PHF8: variants seen among roughly 807,000 people sequenced by gnomAD.
The protein encoded by PHF8 is PHD finger protein 8.
In PHF8, 9 loss-of-function variants were observed where a neutral mutation model predicts 74.4. The observed-to-expected ratio is 0.12, with a 90% CI of 0.07 to 0.21. The LOEUF (loss-of-function observed/expected upper bound fraction) is 0.21, where lower values mean the gene tolerates loss of function less well. PHF8 is among the 10% of genes least tolerant of loss of function. The pLI is 1.00. For synonymous variants in PHF8, 311 were observed against 316.6 expected, an observed-to-expected ratio of 0.98 and a Z score of 0.19; for missense variants, 478 against 816.6, an observed-to-expected ratio of 0.59 and a Z score of 5.05.
chrX:54,022,534 G>C (rs2066196616), intron 3 of PHF8, among the ~76,000 whole-genome samples, 167 bp from the exon 4 acceptor site: 1 of 111,575 alleles, frequency 9.0e-6, no homozygotes, highest in Non-Finnish European at 1.9e-5. Flanking sequence ...AAGATGGATG[G>C]GTACTTTCTC....
intron 2 of PHF8, 66 bp downstream of exon 2, chrX:54,042,565 A>C (rs2066577869): frequency 1.4e-5 from 13 of 955,602 alleles, no homozygotes; most frequent in Non-Finnish European, 1.9e-5. Context: ...GAGCTGAGAA[A>C]GGAAGAGAGA....
chrX:53,950,668 C>T (rs1261228300), intron 19 of PHF8, among the ~76,000 whole-genome samples: 6 of 112,379 alleles, frequency 5.3e-5, no homozygotes, highest in African/African-American at 1.9e-4. Flanking sequence ...TGTGTCCAAT[C>T]ATGAGACATC....
chrX:53,940,881 A>G (rs1025054220), intron 20 of PHF8, among the ~76,000 whole-genome samples: 1 of 112,365 alleles, frequency 8.9e-6, no homozygotes, highest in Non-Finnish European at 1.9e-5. Flanking sequence ...TATATACTTT[A>G]TCTCATTTAA....
At chrX:53,940,973 CCCAA>C (rs2064742469) in intron 20 of PHF8, among the ~76,000 whole-genome samples, 1 of 112,521 alleles carries the variant, frequency 8.9e-6, no homozygotes, top group East Asian at 2.8e-4. Context: ...GTAACTTGAG[CCCAA>C]AGCCTCACAG....
At chrX:54,001,829 T>C (rs1322198951) in intron 10 of PHF8, among the ~76,000 whole-genome samples, 2 of 107,295 alleles carry the variant, frequency 1.9e-5, no homozygotes, top group Admixed American at 1.0e-4. Context: ...GGCAGGAGGA[T>C]TGCCTGAGCC....
chrX:54,042,855 A>G (rs1390277087), intron 1 of PHF8, 35 bp from the exon 2 acceptor site: 4 of 1,010,730 alleles, frequency 4.0e-6, no homozygotes, highest in African/African-American at 3.8e-5. Flanking sequence ...AGAGTGAATC[A>G]GCCCCCGCCC....
intron 18 of PHF8, among the ~76,000 whole-genome samples, chrX:53,978,647 A>G (rs781809230): frequency 4.6e-5 from 5 of 108,725 alleles, no homozygotes; most frequent in Admixed American, 4.0e-4. Context: ...AAATACAAAA[A>G]ATTAGCTAGG....
At chrX:54,038,961 C>T (rs1278461019) in intron 2 of PHF8, among the ~76,000 whole-genome samples, 1 of 109,194 alleles carries the variant, frequency 9.2e-6, no homozygotes, top group Non-Finnish European at 1.9e-5. Flanking sequence ...ATAGTGAAAC[C>T]CTGTCTCTAC....
intron 19 of PHF8, among the ~76,000 whole-genome samples, chrX:53,959,863 C>CAA (rs782111007): frequency 0.018 from 398 of 22,093 alleles, 8 homozygotes; most frequent in African/African-American, 0.047. Context: ...GTTTCTGCCT[C>CAA]AAAAAAAAAA....
rs182330704 is a variant in PHF8 at position 53,939,342 on chromosome X, C to G, written c.2987-96G>C. ...CTCAGGCCACCTCCCCTTCCTGTTT[C>G]TCTACCCACAAAGTTTCTCCATCCT... On this transcript the variant is annotated intron_variant, in intron 21 of 21. Transcript: ENST00000338154. 11 of 680,745 alleles carry G rather than the reference C, an allele frequency of 1.6e-5. No individual in the cohort carries two copies. In the East Asian group the frequency reaches 3.3e-4, roughly 20 times the overall value. 56.1% of individuals were successfully genotyped at this position (680,745 alleles called of 1,213,427 possible).
At position 53,944,159 on chromosome X, in the gene PHF8, G is replaced by A. The variant is rs782139128; in HGVS notation, c.2624C>T (p.Ala875Val). 2.5e-6 allele frequency: 3 copies of A among 1,203,888 alleles called. No homozygotes were observed. Among genetic ancestry groups the A allele is most frequent in the South Asian group, 1.8e-5 (1 of 56,672 alleles). ...CTGCTGGGCCAGCTTTGCAGCTGCT[G>A]CAGCCAAACCTGTCTCAATAGAGGC... ...RVASIETGLA[A>V]AAAKLAQQEL... Residue 875 changes from alanine to valine, a missense_variant, in exon 20 of 22, where the codon GCA becomes GTA. Ala to Val is a moderately conservative substitution (Grantham distance 64, BLOSUM62 0). Transcript: ENST00000338154.
intron 20 of PHF8, chrX:53,943,435 A>T: frequency 9.4e-7 from 1 of 1,064,778 alleles, no homozygotes; most frequent in Non-Finnish European, 1.2e-6. Context: ...CCTGTTGAAC[A>T]GGGCTATTGG....
At chrX:53,987,249 C>T (rs782781628) in intron 15 of PHF8, 86 bp from the exon 16 acceptor site, 17 of 596,032 alleles carry the variant, frequency 2.9e-5, no homozygotes, top group Middle Eastern at 6.3e-4. Flanking sequence ...GACTAATTTT[C>T]TTGGAAGTAA....
rs2064677517 is a variant in PHF8, at chrX:53,936,889, G to A, written c.*2269C>T. ...AAAATATATTTAGACATGTACAGAAGCGGTGGGCTTGTTTTTAAATTGTTT... is the reference window on the plus strand; with the variant it reads ...AAAATATATTTAGACATGTACAGAAACGGTGGGCTTGTTTTTAAATTGTTT... On this transcript the variant is annotated 3_prime_UTR_variant, in exon 22 of 22. Coordinates refer to ENST00000338154, the MANE Select transcript of PHF8 (RefSeq NM_015107.3). The A allele has an allele frequency of 9.0e-6, 1 of 111,026 alleles. No homozygotes were observed. Among genetic ancestry groups the A allele is most frequent in the Non-Finnish European group, 1.9e-5 (1 of 52,922 alleles). The allele number at this position is 111,026 out of a possible 1,213,427, so 9.1% of individuals were successfully genotyped here. A position where few individuals can be genotyped will look rare whatever the true frequency, so the allele number is the denominator to read the frequency against.
chrX:53,976,635 TA>T (rs1226932494), intron 18 of PHF8, among the ~76,000 whole-genome samples: 15 of 61,790 alleles, frequency 2.4e-4, no homozygotes, highest in African/African-American at 9.6e-4. Context: ...TCCATAAAAA[TA>T]AAAAAACAGC....
At chrX:53,953,273 C>CAA (rs782479450) in intron 19 of PHF8, among the ~76,000 whole-genome samples, 1 of 55,483 alleles carries the variant, frequency 1.8e-5, no homozygotes, top group Non-Finnish European at 3.4e-5. Context: ...GACTCCATCT[C>CAA]AAAAAAAAAA....
chrX:54,004,926 A>G (rs1345077834), intron 8 of PHF8, among the ~76,000 whole-genome samples: 2 of 109,431 alleles, frequency 1.8e-5, no homozygotes, highest in Non-Finnish European at 3.8e-5. Context: ...TCTGTGTCAA[A>G]AAAAAAAAAA....
intron 18 of PHF8, among the ~76,000 whole-genome samples, chrX:53,964,192 A>C (rs1389945391): frequency 2.7e-5 from 3 of 109,823 alleles, no homozygotes; most frequent in African/African-American, 1.0e-4. Flanking sequence ...ATGAGAACAC[A>C]TGAAAACAGG....
intron 2 of PHF8, among the ~76,000 whole-genome samples, chrX:54,041,010 G>T (rs781869670): frequency 7.1e-5 from 8 of 111,894 alleles, no homozygotes; most frequent in South Asian, 3.7e-4. Context: ...TTTGGATACG[G>T]GGCAAGGGGG....
Sources: allele counts gnomAD v4.1 joint callset (sites outside exome capture counted in the v4.1 genomes callset), GRCh38; gene constraint gnomAD v4.1.1; transcripts MANE v1.5; gene names NCBI Gene and HGNC (gene_info 2026-07-23, HGNC 2026-07-21).